Variants in PTPRO observed in about 807,000 individuals in gnomAD.
The protein encoded by PTPRO is protein tyrosine phosphatase receptor type O.
In PTPRO, 62 loss-of-function variants were observed where a neutral mutation model predicts 145.2. The ratio of observed to expected loss-of-function variants is 0.43; its 90% CI spans 0.35 to 0.53. The LOEUF is 0.53. Ranked by LOEUF, PTPRO falls within the 20% of genes least tolerant of loss-of-function variation. The pLI, the probability that PTPRO is intolerant of heterozygous loss-of-function variation, is 0.01. For synonymous variants in PTPRO, 565 were observed against 514.7 expected (o/e 1.10, Z -1.32); for missense variants, 1,345 against 1,482.7 (o/e 0.91, Z 1.53).
At chr12:15,380,700 T>G (rs1938833330) in intron 1 of PTPRO, among the ~76,000 whole-genome samples, 1 of 152,148 alleles carries the variant, frequency 6.6e-6, no homozygotes, top group Non-Finnish European at 1.5e-5. Flanking sequence ...AACATAAATG[T>G]CACCAATAGA....
At chr12:15,548,069 G>T (rs994634749) in intron 13 of PTPRO, among the ~76,000 whole-genome samples, 1 of 152,108 alleles carries the variant, frequency 6.6e-6, no homozygotes, top group Non-Finnish European at 1.5e-5. Context: ...GCAGACAAAG[G>T]TGTAGTGTCC....
chr12:15,482,165 G>A lies in PTPRO; in HGVS notation c.76-1809G>A, dbSNP rs958713054. Among the ~76,000 whole-genome samples, 16 of 145,156 alleles carry A rather than the reference G, an allele frequency of 1.1e-4. No individual in the cohort carries two copies. In the East Asian group the frequency reaches 1.6e-3, roughly 14 times the overall value. The stretch of plus-strand genomic sequence containing the variant: ...ATATGGTGTGTGTGTGTGTGTGTGT[G>A]TGTATATATATATATGTGTGTGTGT... On this transcript the variant is annotated intron_variant, in intron 1 of 26. Transcript: ENST00000281171.
intron 1 of PTPRO, among the ~76,000 whole-genome samples, chr12:15,403,820 G>GAC (rs147880268): frequency 0.079 from 12,017 of 151,200 alleles, 544 homozygotes; most frequent in African/African-American, 0.12. Context: ...ACATAGAATA[G>GAC]ACACACACAC....
intron 3 of PTPRO, among the ~76,000 whole-genome samples, chr12:15,498,839 A>G (rs959244375): frequency 3.3e-5 from 5 of 152,100 alleles, no homozygotes; most frequent in African/African-American, 1.2e-4. Context: ...TTTTCAAACT[A>G]TTTTTAGATT....
chr12:15,528,522 CA>C (rs34411111), intron 12 of PTPRO, among the ~76,000 whole-genome samples: 105 of 130,144 alleles, frequency 8.1e-4, no homozygotes, highest in African/African-American at 1.0e-3. Flanking sequence ...AAGAATCTGT[CA>C]AAAAAAAAAA....
chr12:15,556,545 A>T (rs1025551794), intron 15 of PTPRO, among the ~76,000 whole-genome samples: 4 of 152,046 alleles, frequency 2.6e-5, no homozygotes, highest in Non-Finnish European at 4.4e-5. Flanking sequence ...TTTTACTAGC[A>T]GATTAATAGG....
chr12:15,325,003 AATTC>A (rs1866407612), intron 1 of PTPRO, among the ~76,000 whole-genome samples: 1 of 152,154 alleles, frequency 6.6e-6, no homozygotes, highest in Non-Finnish European at 1.5e-5. Flanking sequence ...GATGAGAAAA[AATTC>A]ATTATTAAAT....
At chr12:15,546,964 G>T (rs1164560358) in intron 13 of PTPRO, among the ~76,000 whole-genome samples, 1 of 152,098 alleles carries the variant, frequency 6.6e-6, no homozygotes, top group Non-Finnish European at 1.5e-5. Context: ...AAAGGTAGTA[G>T]GCCATTGAAT....
chr12:15,589,655 T>C (rs1944505965), intron 25 of PTPRO, 65 bp downstream of exon 25: 1 of 1,572,104 alleles, frequency 6.4e-7, no homozygotes, highest in Non-Finnish European at 8.7e-7. Context: ...CATTATTCAA[T>C]GATATGCTTC....
intron 18 of PTPRO, among the ~76,000 whole-genome samples, chr12:15,567,857 C>T (rs558212623): frequency 3.1e-4 from 47 of 152,240 alleles, no homozygotes; most frequent in Middle Eastern, 3.4e-3. Flanking sequence ...CTCTCTTAGC[C>T]GTGGCTCTCT....
At chr12:15,469,414 T>C (rs570657256) in intron 1 of PTPRO, among the ~76,000 whole-genome samples, 1 of 152,224 alleles carries the variant, frequency 6.6e-6, no homozygotes, top group Non-Finnish European at 1.5e-5. Context: ...GAATGTTGCA[T>C]AGTTTTGGAA....
intron 12 of PTPRO, among the ~76,000 whole-genome samples, chr12:15,538,011 C>A (rs1943100446): frequency 6.6e-6 from 1 of 152,146 alleles, no homozygotes; most frequent in African/African-American, 2.4e-5. Flanking sequence ...GGGGGCAATA[C>A]CTGCCATGCT....
intron 12 of PTPRO, 37 bp from the exon 13 acceptor site, chr12:15,546,532 T>G: frequency 6.4e-7 from 1 of 1,551,390 alleles, no homozygotes; most frequent in Non-Finnish European, 8.7e-7. Flanking sequence ...ATACACTTAG[T>G]AAATTAAATT....
At chr12:15,427,716 T>C (rs1047662544) in intron 1 of PTPRO, among the ~76,000 whole-genome samples, 4 of 151,930 alleles carry the variant, frequency 2.6e-5, no homozygotes, top group African/African-American at 9.7e-5. Flanking sequence ...TTATTAGACC[T>C]TCACTAAAAT....
chr12:15,511,957 A>G (rs564073921), intron 7 of PTPRO, among the ~76,000 whole-genome samples: 66 of 152,310 alleles, frequency 4.3e-4, no homozygotes, highest in African/African-American at 1.5e-3. Context: ...GAACCTTAAC[A>G]TCACCATGAA....
At chr12:15,576,890 TA>T (rs1056364431) in intron 19 of PTPRO, among the ~76,000 whole-genome samples, 4 of 152,178 alleles carry the variant, frequency 2.6e-5, no homozygotes, top group Non-Finnish European at 5.9e-5. Flanking sequence ...AGGCATTTTC[TA>T]AAGGAGGTAG....
At chr12:15,389,849 T>A (rs1939140406) in intron 1 of PTPRO, among the ~76,000 whole-genome samples, 1 of 152,234 alleles carries the variant, frequency 6.6e-6, no homozygotes, top group Admixed American at 6.5e-5. Flanking sequence ...ACTTATTTGA[T>A]CCTTCACTTC....
intron 1 of PTPRO, among the ~76,000 whole-genome samples, chr12:15,382,989 T>C (rs1314994350): frequency 6.6e-6 from 1 of 152,208 alleles, no homozygotes; most frequent in Non-Finnish European, 1.5e-5. Flanking sequence ...TTCACTCTTT[T>C]AGCAATTTTA....
At chr12:15,326,831 T>C (rs1211110531) in intron 1 of PTPRO, among the ~76,000 whole-genome samples, 4 of 152,240 alleles carry the variant, frequency 2.6e-5, no homozygotes. Context: ...GTTTCAGTGA[T>C]GTTGCATTTT....
Sources: gnomAD v4.1 joint callset for allele counts (sites outside exome capture counted in the v4.1 genomes callset) on GRCh38, gnomAD v4.1.1 for gene constraint, MANE v1.5 for transcripts, NCBI Gene and HGNC (gene_info 2026-07-23, HGNC 2026-07-21) for gene names.